Variants in PTPRC observed in about 807,000 individuals in gnomAD.
PTPRC encodes receptor-type tyrosine-protein phosphatase C.
Under a neutral mutation model 155.9 loss-of-function variants are expected in PTPRC, and 44 were observed. The ratio of observed to expected loss-of-function variants is 0.28; its 90% CI spans 0.22 to 0.36. PTPRC has a LOEUF of 0.36. PTPRC is among the 10% of genes least tolerant of loss of function. The pLI, the probability that PTPRC is intolerant of heterozygous loss-of-function variation, is 1.00. For missense variants in PTPRC, 1,401 were observed against 1,564.6 expected, an observed-to-expected ratio of 0.90 and a Z score of 1.76; for synonymous variants, 525 against 533.1, an observed-to-expected ratio of 0.98 and a Z score of 0.21.
Position 198,742,708 on chromosome 1 carries a change from A to T in PTPRC, c.2697+341A>T, listed in dbSNP as rs117916494. The stretch of plus-strand genomic sequence containing the variant: ...ACTGAAGAGACAGAATAGTATAGTA[A>T]TCAACAGCTGGTTTTAGAAACTACA... On this transcript the variant is annotated intron_variant, in intron 25 of 32. Coordinates refer to ENST00000442510, the MANE Select transcript of PTPRC (RefSeq NM_002838.5). Among the ~76,000 whole-genome samples the T allele has an allele frequency of 2.7e-3, 412 of 152,000 alleles. 10 individuals carry two copies. Among genetic ancestry groups the T allele is most frequent in the East Asian group, 5.7e-3 (29 of 5,130 alleles).
At position 198,656,300 on chromosome 1, in the gene PTPRC, A is replaced by G. The variant is rs75192758; in HGVS notation, c.73+16959A>G. 1.1e-4 allele frequency among the ~76,000 whole-genome samples: 17 copies of G among 152,260 alleles called. No individual in the cohort carries two copies. In the East Asian group the frequency reaches 3.3e-3, roughly 29 times the overall value. On this transcript the variant is annotated intron_variant, in intron 2 of 32. Transcript: ENST00000442510. ...GATGTTCACTATACTATTCTAAGAC[A>G]TTTGCAACTGTGTAAGGCAGTCATT...
intron 2 of PTPRC, among the ~76,000 whole-genome samples, chr1:198,648,074 G>T (rs1663031498): frequency 1.3e-5 from 2 of 151,824 alleles, no homozygotes; most frequent in South Asian, 4.1e-4. Flanking sequence ...CTTCCTCCAG[G>T]TCCCTGTTAC....
At chr1:198,748,052 C>T (rs1402986428) in intron 26 of PTPRC, 57 bp from the exon 27 acceptor site, 4 of 1,527,958 alleles carry the variant, frequency 2.6e-6, no homozygotes, top group Non-Finnish European at 3.5e-6. Flanking sequence ...TCTTATGATG[C>T]AATAAGCCAA....
chr1:198,719,194 A>G (rs1184474345), intron 14 of PTPRC, among the ~76,000 whole-genome samples: 1 of 152,082 alleles, frequency 6.6e-6, no homozygotes, highest in Non-Finnish European at 1.5e-5. Flanking sequence ...GTATCAGTGT[A>G]TGAAATGACT....
At position 198,757,139 on chromosome 1, in the gene PTPRC, T is replaced by G. The variant is rs1655720679; in HGVS notation, c.*958T>G. ...TTGATATGAAAAATATGATATTGCA[T>G]ATGCATAGTTCCCATGTTAAATCCC... On this transcript the variant is annotated 3_prime_UTR_variant, in exon 33 of 33. Transcript: ENST00000442510. The G allele has an allele frequency of 1.3e-5, 2 of 151,890 alleles. No homozygotes were observed. The highest frequency in any genetic ancestry group is 2.9e-5 in the Non-Finnish European group (2 of 67,814). 9.4% of individuals were successfully genotyped at this position (151,890 alleles called of 1,614,324 possible).
rs1663450793 is a variant in PTPRC, at chr1:198,654,680, A to G, written c.73+15339A>G. On this transcript the variant is annotated intron_variant, in intron 2 of 32. Coordinates refer to ENST00000442510, the MANE Select transcript of PTPRC (RefSeq NM_002838.5). ...TTTTAAACCTGCTGTCCTTTATAAG[A>G]GAATAATATATTTTGTAATTTGAGA... Among the ~76,000 whole-genome samples the G allele has an allele frequency of 2.6e-5, 4 of 151,938 alleles. No individual in the cohort carries two copies. The East Asian group carries it at 7.7e-4, about 29-fold the overall frequency.
intron 2 of PTPRC, among the ~76,000 whole-genome samples, chr1:198,655,520 A>G (rs1418907014): frequency 6.6e-6 from 1 of 152,054 alleles, no homozygotes; most frequent in African/African-American, 2.4e-5. Flanking sequence ...TGGATTAGGC[A>G]TTTTGGGACA....
upstream of PTPRC, chr1:198,638,880 T>A (rs75725159): frequency 0.011 from 2,289 of 205,828 alleles, 28 homozygotes; most frequent in Non-Finnish European, 0.016. Flanking sequence ...TTTAAAAACA[T>A]CTTCCTTGAT....
chr1:198,665,877 G>A (rs1664267120), intron 2 of PTPRC, among the ~76,000 whole-genome samples: 1 of 152,004 alleles, frequency 6.6e-6, no homozygotes, highest in African/African-American at 2.4e-5. Context: ...TTCCAGCCCT[G>A]GAAAGACATC....
intron 2 of PTPRC, among the ~76,000 whole-genome samples, chr1:198,684,814 T>C (rs76319115): frequency 7.8e-4 from 118 of 152,208 alleles, no homozygotes; most frequent in African/African-American, 2.7e-3. Flanking sequence ...TTATCCTCTC[T>C]TTTGCTCCTT....
At chr1:198,701,861 CA>C (rs919767054) in intron 5 of PTPRC, among the ~76,000 whole-genome samples, 3 of 152,220 alleles carry the variant, frequency 2.0e-5, no homozygotes, top group African/African-American at 7.2e-5. Flanking sequence ...GTGGCCCAGG[CA>C]GGATCCCATT....
chr1:198,641,278 G>T lies in PTPRC; in HGVS notation c.73+1937G>T, dbSNP rs567442024. 2.0e-5 allele frequency among the ~76,000 whole-genome samples: 3 copies of T among 151,994 alleles called. No individual in the cohort carries two copies. The East Asian group carries it at 5.8e-4, about 29-fold the overall frequency. On this transcript the variant is annotated intron_variant, in intron 2 of 32. Transcript: ENST00000442510. ...CATTTTGTGATTTAATGTATAATTTGGAAAATTCTTAATGCTTTAAATTAT... is the reference window on the plus strand; with the variant it reads ...CATTTTGTGATTTAATGTATAATTTTGAAAATTCTTAATGCTTTAAATTAT...
chr1:198,752,182 G>C (rs1571895975), intron 29 of PTPRC, 67 bp from the exon 30 acceptor site: 3 of 1,515,422 alleles, frequency 2.0e-6, no homozygotes, highest in Non-Finnish European at 2.7e-6. Flanking sequence ...AAGGGAGAAA[G>C]AGGGAGACTG....
chr1:198,706,863 A>G lies in PTPRC; in HGVS notation c.815A>G (p.Asn272Ser), dbSNP rs760638253. ...NNTCTNNEVH[N>S]LTECKNASVS... is the part of the protein sequence containing the mutation. ...ACTTGCACAAACAATGAGGTGCATAACCTTACAGAATGTAAAAATGCGTCT... is the reference window on the plus strand; with the variant it reads ...ACTTGCACAAACAATGAGGTGCATAGCCTTACAGAATGTAAAAATGCGTCT... The change falls in exon 9 of 33, where the codon AAC (asparagine) becomes AGC (serine). Residue 272 changes from asparagine (N) to serine (S), a missense_variant. Asn to Ser is a conservative substitution (Grantham distance 46). This residue lies in a region of PTPRC where 867 missense variants were observed against 970.4 expected (regional missense o/e 0.89). Transcript: ENST00000442510. 27 of 1,613,304 alleles carry G rather than the reference A, an allele frequency of 1.7e-5. No homozygotes were observed. The South Asian group carries it at 3.0e-4, about 18-fold the overall frequency.
At chr1:198,644,918 C>A (rs12739875) in intron 2 of PTPRC, among the ~76,000 whole-genome samples, 32,999 of 151,660 alleles carry the variant, frequency 0.22, 4,775 homozygotes, top group Middle Eastern at 0.33. Context: ...AGCCACCTAA[C>A]TGAAACTTCA....
intron 2 of PTPRC, among the ~76,000 whole-genome samples, chr1:198,678,720 A>T (rs1403064519): frequency 1.3e-5 from 2 of 151,872 alleles, no homozygotes; most frequent in Admixed American, 6.6e-5. Context: ...AGGATCACAA[A>T]GGCAGAGAGG....
chr1:198,667,125 A>T (rs1252985558), intron 2 of PTPRC: 2 of 152,216 alleles, frequency 1.3e-5, no homozygotes, highest in Non-Finnish European at 2.9e-5. Context: ...AAAGAAAGGG[A>T]AGGCAAAGTG....
intron 2 of PTPRC, among the ~76,000 whole-genome samples, chr1:198,654,156 A>C (rs2102225252): frequency 6.6e-6 from 1 of 151,944 alleles, no homozygotes; most frequent in East Asian, 1.9e-4. Context: ...AATCCTTACA[A>C]AAAAATATTA....
In PTPRC at chr1:198,702,530, G is replaced by A. The variant is rs1666515347; in HGVS notation, c.583G>A (p.Asp195Asn). 2 of 1,613,990 alleles carry A rather than the reference G, an allele frequency of 1.2e-6. No individual in the cohort carries two copies. Among genetic ancestry groups the A allele is most frequent in the Admixed American group, 1.7e-5 (1 of 59,996 alleles). ...SNTTITANTS[D>N]AYLNASETTT... ...CACCACCATCACAGCGAACACCTCAGGTCTGACTATGCTGCTCTAGTAGTG... is the reference window on the plus strand; with the variant it reads ...CACCACCATCACAGCGAACACCTCAAGTCTGACTATGCTGCTCTAGTAGTG... Residue 195 changes from aspartate (D) to asparagine (N), a missense_variant and splice_region_variant, in exon 6 of 33, where the codon GAT becomes AAT. By Grantham distance (23) the Asp-to-Asn change is conservative. Transcript: ENST00000442510.
Sources: gnomAD v4.1 joint callset for allele counts (sites outside exome capture counted in the v4.1 genomes callset) on GRCh38, gnomAD v4.1.1 for gene constraint, gnomAD v4.1.1 regional missense constraint, MANE v1.5 for transcripts, NCBI Gene and HGNC (gene_info 2026-07-23, HGNC 2026-07-21) for gene names.